The following NUBPL variants were observed in gnomAD, a reference collection of about 807,000 sequenced individuals.
NUBPL encodes the protein iron-sulfur cluster transfer protein NUBPL.
NUBPL carries 31 observed loss-of-function variants against 45.7 expected under a neutral mutation model. The ratio of observed to expected loss-of-function variants is 0.68; its 90% CI spans 0.51 to 0.92. NUBPL has a LOEUF of 0.92. Among genes scored for constraint, NUBPL ranks in the 40% least tolerant of loss-of-function variants. The pLI is 0.00. For synonymous variants in NUBPL, 144 were observed against 140.9 expected (o/e 1.02, Z -0.15); for missense variants, 401 against 398.7 (o/e 1.01, Z -0.05).
intron 7 of NUBPL, among the ~76,000 whole-genome samples, chr14:31,825,591 TCTCCTCCTCCTC>T (rs1376793458): frequency 6.6e-6 from 1 of 150,496 alleles, no homozygotes; most frequent in Non-Finnish European, 1.5e-5. Context: ...ACCTCCTCCT[TCTCCTCCTCCTC>T]ATCTTCCTCT....
chr14:31,699,033 T>G (rs2037276640), intron 6 of NUBPL, among the ~76,000 whole-genome samples: 2 of 152,286 alleles, frequency 1.3e-5, no homozygotes, highest in South Asian at 4.2e-4. Flanking sequence ...TTCTGTATTT[T>G]TAGTAGAGAT....
At chr14:31,848,774 A>G (rs2040492985) in intron 9 of NUBPL, among the ~76,000 whole-genome samples, 1 of 152,120 alleles carries the variant, frequency 6.6e-6, no homozygotes, top group South Asian at 2.1e-4. Flanking sequence ...TGTAGGTAGG[A>G]TTGTGAGTAT....
chr14:31,709,374 C>T (rs894212158), intron 6 of NUBPL, among the ~76,000 whole-genome samples: 1 of 152,198 alleles, frequency 6.6e-6, no homozygotes, highest in Non-Finnish European at 1.5e-5. Context: ...CCTTCTAGAA[C>T]ACAGGTCAAC....
chr14:31,791,775 T>C (rs1027946614), intron 7 of NUBPL, among the ~76,000 whole-genome samples: 2 of 152,172 alleles, frequency 1.3e-5, no homozygotes, highest in African/African-American at 4.8e-5. Context: ...CCTTGAAGAA[T>C]AAATATGATA....
chr14:31,815,520 C>A (rs1476896625), intron 7 of NUBPL, among the ~76,000 whole-genome samples: 1 of 152,044 alleles, frequency 6.6e-6, no homozygotes, highest in Non-Finnish European at 1.5e-5. Flanking sequence ...ATTTGAATAC[C>A]CTTTCTTTCT....
At chr14:31,694,081 T>A (rs552663380) in intron 6 of NUBPL, among the ~76,000 whole-genome samples, 58 of 152,092 alleles carry the variant, frequency 3.8e-4, no homozygotes, top group Admixed American at 1.7e-3. Context: ...GGTCTTGATC[T>A]CCTGACCTCG....
At chr14:31,733,350 T>A (rs184338544) in intron 6 of NUBPL, among the ~76,000 whole-genome samples, 3 of 152,168 alleles carry the variant, frequency 2.0e-5, no homozygotes, top group Admixed American at 1.3e-4. Flanking sequence ...TATATTTCCA[T>A]AGCAATTTTA....
In NUBPL at chr14:31,673,392, T is replaced by A; in HGVS notation, c.420T>A (p.Ala140=). ...GGCCTCTCTTGAATTATGGTATTGC[T>A]TGGTGAGCATATATATATTTTTAAT... ...LMRPLLNYGI[A]CMSMGFLVEE... The change falls in exon 5 of 11, where the codon GCT becomes GCA. Residue 140 remains alanine (A), a splice_region_variant and synonymous_variant. Coordinates refer to ENST00000281081, the MANE Select transcript of NUBPL (RefSeq NM_025152.3). 6.2e-7 allele frequency: 1 copy of A among 1,608,708 alleles called. No individual in the cohort carries two copies. Among genetic ancestry groups the A allele is most frequent in the Non-Finnish European group, 8.5e-7 (1 of 1,176,454 alleles).
intron 4 of NUBPL, among the ~76,000 whole-genome samples, chr14:31,615,740 A>C (rs956624787): frequency 6.6e-6 from 1 of 152,228 alleles, no homozygotes; most frequent in Non-Finnish European, 1.5e-5. Context: ...TATTGTGAAC[A>C]GTGCTGCAAT....
chr14:31,811,837 T>TA (rs1270267609), intron 7 of NUBPL, among the ~76,000 whole-genome samples: 1 of 152,196 alleles, frequency 6.6e-6, no homozygotes, highest in African/African-American at 2.4e-5. Context: ...GCTGATGCTA[T>TA]TCCTTTCTGT....
chr14:31,754,026 G>C (rs192866090), intron 6 of NUBPL, among the ~76,000 whole-genome samples: 1 of 152,068 alleles, frequency 6.6e-6, no homozygotes, highest in Non-Finnish European at 1.5e-5. Flanking sequence ...TCTTGATATA[G>C]CCATTCCACG....
intron 6 of NUBPL, among the ~76,000 whole-genome samples, chr14:31,778,642 T>C (rs1291439950): frequency 6.6e-6 from 1 of 152,230 alleles, no homozygotes; most frequent in Non-Finnish European, 1.5e-5. Context: ...GTTTAACTAC[T>C]GCCATTGCTG....
intron 7 of NUBPL, among the ~76,000 whole-genome samples, chr14:31,810,869 C>T (rs532290343): frequency 6.6e-6 from 1 of 152,012 alleles, no homozygotes; most frequent in African/African-American, 2.4e-5. Context: ...TTTCTCCTTC[C>T]CTTATGAAGC....
chr14:31,679,305 G>T (rs1239690830), intron 6 of NUBPL, among the ~76,000 whole-genome samples: 1 of 152,060 alleles, frequency 6.6e-6, no homozygotes, highest in Non-Finnish European at 1.5e-5. Flanking sequence ...TGTGTAGAGA[G>T]TTGTTAAATT....
At chr14:31,842,832 A>C (rs770575914) in intron 8 of NUBPL, among the ~76,000 whole-genome samples, 1 of 152,136 alleles carries the variant, frequency 6.6e-6, no homozygotes, top group Admixed American at 6.6e-5. Flanking sequence ...AATAAGTTAT[A>C]TATTGTATAT....
Position 31,692,532 on chromosome 14 carries a change from C to G in NUBPL, c.513+18958C>G, listed in dbSNP as rs910885680. Among the ~76,000 whole-genome samples, 7 of 152,208 alleles carry G rather than the reference C, an allele frequency of 4.6e-5. No homozygotes were observed. In the South Asian group the frequency reaches 1.0e-3, roughly 23 times the overall value. On this transcript the variant is annotated intron_variant, in intron 6 of 10. Coordinates refer to ENST00000281081, the MANE Select transcript of NUBPL (RefSeq NM_025152.3). Reference sequence around the variant, plus strand: ...TGCTTTTAGTTCAATCTTCAGTATCCCCAAATGTGAAGCAGATGCCAGTTT... The same window carrying G: ...TGCTTTTAGTTCAATCTTCAGTATCGCCAAATGTGAAGCAGATGCCAGTTT...
chr14:31,661,763 A>G (rs1274063587), intron 4 of NUBPL, among the ~76,000 whole-genome samples: 1 of 152,172 alleles, frequency 6.6e-6, no homozygotes, highest in Non-Finnish European at 1.5e-5. Context: ...GATGGTCTCA[A>G]TCTCCTGACC....
intron 6 of NUBPL, among the ~76,000 whole-genome samples, chr14:31,684,901 T>C (rs945502231): frequency 2.6e-5 from 4 of 152,026 alleles, no homozygotes; most frequent in African/African-American, 9.6e-5. Context: ...AATTGAGGAC[T>C]TCTCTTTGGT....
In NUBPL at chr14:31,771,025, A is replaced by G. The variant is rs1000323853; in HGVS notation, c.514-16755A>G. Among the ~76,000 whole-genome samples, 4 of 152,326 alleles carry G rather than the reference A, an allele frequency of 2.6e-5. No individual in the cohort carries two copies. In the South Asian group the frequency reaches 6.2e-4, roughly 24 times the overall value. On this transcript the variant is annotated intron_variant, in intron 6 of 10. Coordinates refer to ENST00000281081, the MANE Select transcript of NUBPL (RefSeq NM_025152.3). ...GTGTTTAAAAATATTTTAAAGTATT[A>G]TATCTTTTCTTAGTCTTTATAGGTT...
Sources: allele counts gnomAD v4.1 joint callset (sites outside exome capture counted in the v4.1 genomes callset), GRCh38; gene constraint gnomAD v4.1.1; transcripts MANE v1.5; gene names NCBI Gene and HGNC (gene_info 2026-07-23, HGNC 2026-07-21).